SPSB1: variants seen among roughly 807,000 people sequenced by gnomAD.
SPSB1 encodes SPRY domain-containing SOCS box protein 1.
In SPSB1, 8 loss-of-function variants were observed where a neutral mutation model predicts 21.2. That is an observed-to-expected ratio of 0.38 (90% CI 0.22 to 0.68). The LOEUF (loss-of-function observed/expected upper bound fraction) is 0.68, where lower values mean the gene tolerates loss of function less well. Ranked by LOEUF, SPSB1 falls within the 30% of genes least tolerant of loss-of-function variation. The pLI, the probability that SPSB1 is intolerant of heterozygous loss-of-function variation, is 0.53. For missense variants in SPSB1, 242 were observed against 377.8 expected (o/e 0.64, Z 2.98); for synonymous variants, 169 against 161.7 (o/e 1.05, Z -0.34).
rs951766852 is a variant in SPSB1 at position 9,368,908 on chromosome 1, G to A, written c.*1333G>A. 2.6e-5 allele frequency: 4 copies of A among 152,548 alleles called. No individual in the cohort carries two copies. The highest frequency in any genetic ancestry group is 2.1e-4 in the South Asian group (1 of 4,832). The allele number at this position is 152,548 out of a possible 1,614,324, so 9.4% of individuals were successfully genotyped here. A position where few individuals can be genotyped will look rare whatever the true frequency, so the allele number is the denominator to read the frequency against. ...GCCCTATCCCTGGCAACCCCTCCAC[G>A]TAGCGTACCCCAGCACCTGCCACCG... On this transcript the variant is annotated 3_prime_UTR_variant, in exon 3 of 3. Coordinates refer to ENST00000328089, the MANE Select transcript of SPSB1 (RefSeq NM_025106.4).
In SPSB1 at chr1:9,330,617, T is replaced by G. The variant is rs114778092; in HGVS notation, c.-149-25126T>G. On this transcript the variant is annotated intron_variant, in intron 1 of 2. Coordinates refer to ENST00000328089, the MANE Select transcript of SPSB1 (RefSeq NM_025106.4). ...TCACCCGACACGTTTGGGGGAGTAT[T>G]TTGGGTTTGCCTGTCCTCTTCCTTT... 6.3e-3 allele frequency among the ~76,000 whole-genome samples: 965 copies of G among 152,164 alleles called. 9 individuals carry two copies. Among genetic ancestry groups the G allele is most frequent in the African/African-American group, 0.022 (920 of 41,512 alleles).
At chr1:9,323,131 C>T (rs1041080267) in intron 1 of SPSB1, among the ~76,000 whole-genome samples, 4 of 152,258 alleles carry the variant, frequency 2.6e-5, no homozygotes, top group Non-Finnish European at 4.4e-5. Context: ...AGCCACCTGC[C>T]GGACATTCCT....
chr1:9,345,483 CT>C lies in SPSB1; in HGVS notation c.-149-10259del, dbSNP rs779999812. 8.5e-5 allele frequency among the ~76,000 whole-genome samples: 13 copies of C among 152,316 alleles called. No homozygotes were observed. The highest frequency in any genetic ancestry group is 1.9e-4 in the Non-Finnish European group (13 of 68,028). The stretch of plus-strand genomic sequence containing the variant: ...CGTGGGAGGGCATGTCTGCTGCTGT[CT>C]GGGTCACCTTTTGGGAAGGTTGCTG... On this transcript the variant is annotated intron_variant, in intron 1 of 2. Transcript: ENST00000328089. The surrounding 1 kb of genome is among the most constrained non-coding windows in gnomAD (Gnocchi z 4.8).
Position 9,345,583 on chromosome 1 carries a change from CT to C in SPSB1, c.-149-10159del, listed in dbSNP as rs1640156483. Among the ~76,000 whole-genome samples the C allele has an allele frequency of 6.6e-6, 1 of 152,236 alleles. No homozygotes were observed. The highest frequency in any genetic ancestry group is 2.1e-4 in the South Asian group (1 of 4,826). On this transcript the variant is annotated intron_variant, in intron 1 of 2. Transcript: ENST00000328089. The surrounding 1 kb of genome is among the most constrained non-coding windows in gnomAD (Gnocchi z 4.8). ...CAGTCCGTTGTCCTCGCCACCCTGA[CT>C]AAGCTACAGCTGCGATATATTGTAA...
Position 9,348,277 on chromosome 1 carries a change from C to T in SPSB1, c.-149-7466C>T, listed in dbSNP as rs996409290. ...CCCTGGGCATCCCACAGCACTGTCT[C>T]GCTCCTGTCTCGGCGGTAGTGCTGT... On this transcript the variant is annotated intron_variant, in intron 1 of 2. Coordinates refer to ENST00000328089, the MANE Select transcript of SPSB1 (RefSeq NM_025106.4). The surrounding 1 kb of genome is among the most constrained non-coding windows in gnomAD (Gnocchi z 4.8). Among the ~76,000 whole-genome samples, 4 of 152,174 alleles carry T rather than the reference C, an allele frequency of 2.6e-5. No individual in the cohort carries two copies. The highest frequency in any genetic ancestry group is 3.9e-4 in the East Asian group (2 of 5,160).
chr1:9,330,351 A>G lies in SPSB1; in HGVS notation c.-149-25392A>G, dbSNP rs568383816. Among the ~76,000 whole-genome samples, 86 of 152,146 alleles carry G rather than the reference A, an allele frequency of 5.7e-4. 1 individual carries two copies. The highest frequency in any genetic ancestry group is 1.1e-3 in the Non-Finnish European group (76 of 67,974). ...TAGTCGGGCGTGGTGGTGCATCTCT[A>G]CTACTCAGGAGGCTGAGGCAGGAGA... On this transcript the variant is annotated intron_variant, in intron 1 of 2. Coordinates refer to ENST00000328089, the MANE Select transcript of SPSB1 (RefSeq NM_025106.4).
chr1:9,354,111 C>T (rs1640321842), intron 1 of SPSB1, among the ~76,000 whole-genome samples: 1 of 152,170 alleles, frequency 6.6e-6, no homozygotes. Flanking sequence ...TGAGAGGGAG[C>T]TCTAGGCCAG....
chr1:9,337,812 C>G (rs1356932579), intron 1 of SPSB1, among the ~76,000 whole-genome samples: 2 of 152,206 alleles, frequency 1.3e-5, no homozygotes, highest in African/African-American at 4.8e-5. Flanking sequence ...CTCTGTCTCT[C>G]CTGGGACGCC....
chr1:9,333,697 T>C (rs1483675409), intron 1 of SPSB1, among the ~76,000 whole-genome samples: 1 of 152,204 alleles, frequency 6.6e-6, no homozygotes, highest in African/African-American at 2.4e-5. Context: ...CAGTGTAGGC[T>C]GACCCCAGAG....
intron 2 of SPSB1, among the ~76,000 whole-genome samples, chr1:9,360,041 C>T (rs150789519): frequency 1.7e-3 from 264 of 152,158 alleles, no homozygotes; most frequent in African/African-American, 5.8e-3. Context: ...GACGCTTCTT[C>T]GACACATCCA....
chr1:9,299,549 G>A lies in SPSB1; in HGVS notation c.-150+6478G>A, dbSNP rs565124835. On this transcript the variant is annotated intron_variant, in intron 1 of 2. Coordinates refer to ENST00000328089, the MANE Select transcript of SPSB1 (RefSeq NM_025106.4). ...GGCTGGAGTGCAATGGTGCAATCTC[G>A]GCTCACTGCAACCTCCGCCTCCCGG... Among the ~76,000 whole-genome samples the A allele has an allele frequency of 5.9e-4, 90 of 151,904 alleles. 2 individuals are homozygous for A. The highest frequency in any genetic ancestry group is 4.8e-3 in the Admixed American group (73 of 15,252).
intron 1 of SPSB1, among the ~76,000 whole-genome samples, chr1:9,331,330 T>G (rs1455670725): frequency 2.1e-5 from 3 of 140,830 alleles, no homozygotes; most frequent in East Asian, 2.0e-4. Context: ...TGTTTTTTTT[T>G]TTTTTTTTTT....
At position 9,356,668 on chromosome 1, in the gene SPSB1, A is replaced by G. The variant is rs74523864; in HGVS notation, c.694+83A>G. 1.7e-3 allele frequency: 2,586 copies of G among 1,509,392 alleles called. 40 individuals are homozygous for G. The African/African-American group carries it at 0.032, about 19-fold the overall frequency. The allele number at this position is 1,509,392 out of a possible 1,614,324, so 93.5% of individuals were successfully genotyped here. On this transcript the variant is annotated intron_variant, in intron 2 of 2. Transcript: ENST00000328089. This position sits in a 1 kb window ranked among gnomAD's most constrained non-coding sequence, Gnocchi z 7.4. ...CTGGGCTCAGGCCAAAAGTTGATTC[A>G]TTGGAACTAGAGTGTTTTGAAGACG...
rs1261132076 is a variant in SPSB1 at position 9,355,903 on chromosome 1, G to A, written c.12G>A (p.Lys4=). 1.2e-5 allele frequency: 18 copies of A among 1,560,590 alleles called. No individual in the cohort carries two copies. Among genetic ancestry groups the A allele is most frequent in the Non-Finnish European group, 1.6e-5 (18 of 1,151,534 alleles). ...AGCCAGGGGCGAACATGGGTCAGAA[G>A]GTCACTGGAGGGATCAAGACTGTGG... is the stretch of plus-strand genomic sequence containing the variant. MGQ[K]VTGGIKTVDM... is the part of the protein sequence containing the mutation. The change falls in exon 2 of 3, where the codon AAG becomes AAA. Residue 4 remains lysine, a synonymous_variant. Transcript: ENST00000328089.
At chr1:9,302,089 G>A (rs889832097) in intron 1 of SPSB1, among the ~76,000 whole-genome samples, 30 of 152,182 alleles carry the variant, frequency 2.0e-4, no homozygotes, top group African/African-American at 3.9e-4. Flanking sequence ...GGAATTGGCC[G>A]GTGAGCACGA....
chr1:9,309,622 C>T (rs1340658255), intron 1 of SPSB1, among the ~76,000 whole-genome samples: 1 of 152,154 alleles, frequency 6.6e-6, no homozygotes, highest in Non-Finnish European at 1.5e-5. Flanking sequence ...ACGGGTGGAT[C>T]ACCCGAGGTC....
chr1:9,294,225 CGTGTGTGTGTCTTTGT>C (rs1639171174), intron 1 of SPSB1, among the ~76,000 whole-genome samples: 1 of 147,584 alleles, frequency 6.8e-6, no homozygotes, highest in Admixed American at 6.7e-5. Context: ...TGTGTCTTTG[CGTGTGTGTGTCTTTGT>C]GTCTCTTTGT....
Position 9,356,128 on chromosome 1 carries a change from G to C in SPSB1, c.237G>C (p.Pro79=). Residue 79 remains proline, a synonymous_variant, in exon 2 of 3, where the codon CCG becomes CCC. Coordinates refer to ENST00000328089, the MANE Select transcript of SPSB1 (RefSeq NM_025106.4). This position sits in a 1 kb window ranked among gnomAD's most constrained non-coding sequence, Gnocchi z 7.4. ...EDDKLIFHRH[P]VAQSTDAIRG... ...ACAAGCTCATCTTTCACCGGCATCC[G>C]GTGGCCCAGAGCACGGACGCTATCA... 1 of 1,600,158 alleles carries C rather than the reference G, an allele frequency of 6.2e-7. No homozygotes were observed. Among genetic ancestry groups the C allele is most frequent in the Non-Finnish European group, 8.5e-7 (1 of 1,170,280 alleles).
Position 9,321,878 on chromosome 1 carries a change from G to A in SPSB1, c.-150+28807G>A, listed in dbSNP as rs1307023084. ...GGTGTTTTATGGGCAGAGTGGGGTGGGGAATATGACAGCAGCAAGATTAAT... is the reference window on the plus strand; with the variant it reads ...GGTGTTTTATGGGCAGAGTGGGGTGAGGAATATGACAGCAGCAAGATTAAT... On this transcript the variant is annotated intron_variant, in intron 1 of 2. Coordinates refer to ENST00000328089, the MANE Select transcript of SPSB1 (RefSeq NM_025106.4). The surrounding 1 kb of genome is among the most constrained non-coding windows in gnomAD (Gnocchi z 4.8). 6.6e-6 allele frequency among the ~76,000 whole-genome samples: 1 copy of A among 152,138 alleles called. No homozygotes were observed. The highest frequency in any genetic ancestry group is 2.4e-5 in the African/African-American group (1 of 41,426).
Sources: gnomAD v4.1 joint callset for allele counts (sites outside exome capture counted in the v4.1 genomes callset) on GRCh38, gnomAD v4.1.1 for gene constraint, Gnocchi (gnomAD v3.1) non-coding constraint, MANE v1.5 for transcripts, NCBI Gene and HGNC (gene_info 2026-07-23, HGNC 2026-07-21) for gene names.